The following JMJD7 variants were observed in gnomAD, a reference collection of about 807,000 sequenced individuals.
JMJD7 encodes the protein bifunctional peptidase and (3S)-lysyl hydroxylase JMJD7.
A neutral mutation model predicts 41.1 loss-of-function variants in JMJD7; 41 were observed. The observed-to-expected ratio is 1.00, with a 90% CI of 0.78 to 1.30. The LOEUF (loss-of-function observed/expected upper bound fraction) is 1.30. Ranked by LOEUF, JMJD7 falls within the 50% of genes most tolerant of loss-of-function variation. JMJD7 has a pLI of 0.00. For synonymous variants in JMJD7, 202 were observed against 177.2 expected, an observed-to-expected ratio of 1.14 and a Z score of -1.11; for missense variants, 480 against 420.7, an observed-to-expected ratio of 1.14 and a Z score of -1.23.
chr15:41,830,646 G>A (rs897152186), intron 1 of JMJD7, among the ~76,000 whole-genome samples: 1 of 152,210 alleles, frequency 6.6e-6, no homozygotes, highest in Non-Finnish European at 1.5e-5. Context: ...TGCAGCTGTG[G>A]ACCCAGGCAT....
Position 41,834,757 on chromosome 15 carries a change from G to A in JMJD7, c.82G>A (p.Ala28Thr), listed in dbSNP as rs757781347. ...TCTCTCAGAGCTCTGCGTGCCTCTT[G>A]CTGTGCCCTACCTGGACAAACCCCC... ...AAARELCVPL[A>T]VPYLDKPPTP... The change falls in exon 2 of 8, where the codon GCT (alanine) becomes ACT (threonine). Residue 28 changes from alanine (A) to threonine (T), a missense_variant. Transcript: ENST00000397299. 2 of 1,614,108 alleles carry A rather than the reference G, an allele frequency of 1.2e-6. No homozygotes were observed. Among genetic ancestry groups the A allele is most frequent in the Non-Finnish European group, 8.5e-7 (1 of 1,180,026 alleles).
chr15:41,834,839 G>T lies in JMJD7; in HGVS notation c.164G>T (p.Arg55Leu). The change falls in exon 2 of 8, where the codon CGC (arginine) becomes CTC (leucine). Residue 55 changes from arginine (R) to leucine (L), a missense_variant. By Grantham distance (102) the Arg-to-Leu change is moderately radical (BLOSUM62 -2). Coordinates refer to ENST00000397299, the MANE Select transcript of JMJD7 (RefSeq NM_001114632.2). The part of the protein sequence containing the change: ...WVCPNRPCII[R>L]NALQHWPALQ... The stretch of plus-strand genomic sequence containing the variant: ...TGCCCCAACAGGCCGTGCATTATCC[G>T]CAACGCTCTGCAGCACTGGCCGGCC... 10 of 1,614,168 alleles carry T rather than the reference G, an allele frequency of 6.2e-6. No homozygotes were observed. The highest frequency in any genetic ancestry group is 1.1e-5 in the South Asian group (1 of 91,086).
At position 41,835,300 on chromosome 15, in the gene JMJD7, G is replaced by T; in HGVS notation, c.472+77G>T. On this transcript the variant is annotated intron_variant, in intron 3 of 7. Coordinates refer to ENST00000397299, the MANE Select transcript of JMJD7 (RefSeq NM_001114632.2). Reference sequence around the variant, plus strand: ...AGGGGGGTCAGCCTGTTTGCCCTTAGGTGATGACCTGGCCTATGGGCTTGG... The same window carrying T: ...AGGGGGGTCAGCCTGTTTGCCCTTATGTGATGACCTGGCCTATGGGCTTGG... 4 of 1,521,896 alleles carry T rather than the reference G, an allele frequency of 2.6e-6. No homozygotes were observed. The South Asian group carries it at 4.9e-5, about 19-fold the overall frequency. The allele number at this position is 1,521,896 out of a possible 1,614,324, so 94.3% of individuals were successfully genotyped here. A position where few individuals can be genotyped will look rare whatever the true frequency, so the allele number is the denominator to read the frequency against.
chr15:41,830,737 C>A (rs959439526), intron 1 of JMJD7, among the ~76,000 whole-genome samples: 1 of 152,230 alleles, frequency 6.6e-6, no homozygotes, highest in Non-Finnish European at 1.5e-5. Context: ...TCTGGCTTCT[C>A]CCCACTGTCA....
chr15:41,828,991 A>G (rs1397171562), intron 1 of JMJD7: 1 of 152,254 alleles, frequency 6.6e-6, no homozygotes, highest in Non-Finnish European at 1.5e-5. Context: ...TAATGCTGCA[A>G]CGAATACTTT....
chr15:41,836,670 C>A, intron 6 of JMJD7, 111 bp from the exon 7 acceptor site: 2 of 1,465,442 alleles, frequency 1.4e-6, no homozygotes, highest in African/African-American at 1.4e-5. Context: ...AAGTCTGAGG[C>A]CTTTCACTGC....
Position 41,837,478 on chromosome 15 carries a change from A to C in JMJD7, c.*322A>C. ...TTGGTGTCCTGTCAGTAAAGAGATA[A>C]TAATGGCTGTACCTCGCGGGGCTGT... On this transcript the variant is annotated 3_prime_UTR_variant, in exon 8 of 8. Transcript: ENST00000397299. 4.9e-6 allele frequency: 2 copies of C among 405,616 alleles called. No homozygotes were observed. Among genetic ancestry groups the C allele is most frequent in the Non-Finnish European group, 8.9e-6 (2 of 225,156 alleles). The allele number at this position is 405,616 out of a possible 1,614,324, so 25.1% of individuals were successfully genotyped here.
chr15:41,828,480 C>T (rs1338422577), intron 1 of JMJD7: 2 of 324,326 alleles, frequency 6.2e-6, no homozygotes, highest in African/African-American at 4.3e-5. Context: ...GTTGAAAGCT[C>T]ATCGAAGGCA....
intron 3 of JMJD7, 23 bp downstream of exon 3, chr15:41,835,246 T>C: frequency 1.3e-6 from 2 of 1,587,576 alleles, no homozygotes; most frequent in Non-Finnish European, 1.7e-6. Context: ...GGGGTGGTCG[T>C]GGCCCTGGAC....
At chr15:41,831,418 G>T (rs1413347250) in intron 1 of JMJD7, among the ~76,000 whole-genome samples, 2 of 152,240 alleles carry the variant, frequency 1.3e-5, no homozygotes, top group African/African-American at 4.8e-5. Context: ...GCATGGTGTG[G>T]CTGTGAGAGA....
intron 1 of JMJD7, chr15:41,828,533 G>T: frequency 1.2e-5 from 3 of 241,842 alleles, no homozygotes; most frequent in Non-Finnish European, 2.4e-5. Flanking sequence ...CCCCACCTCC[G>T]ACCTCAACTC....
chr15:41,833,900 G>A (rs937352723), intron 1 of JMJD7, among the ~76,000 whole-genome samples: 2 of 152,194 alleles, frequency 1.3e-5, no homozygotes, highest in Non-Finnish European at 2.9e-5. Context: ...GTGGATGCCA[G>A]TGGAGGAGAG....
At position 41,835,657 on chromosome 15, in the gene JMJD7, G is replaced by A. The variant is rs377314911; in HGVS notation, c.529+13G>A. 92 of 1,611,596 alleles carry A rather than the reference G, an allele frequency of 5.7e-5. 1 individual carries two copies. The African/African-American group carries it at 1.1e-3, about 20-fold the overall frequency. On this transcript the variant is annotated intron_variant, in intron 4 of 7. Coordinates refer to ENST00000397299, the MANE Select transcript of JMJD7 (RefSeq NM_001114632.2). ...GCAGTGACTTCTTGTAGGTGTAAGG[G>A]GAATACAAAGGTGGGGAAGGAGCAG...
chr15:41,832,874 G>A (rs933924732), intron 1 of JMJD7, among the ~76,000 whole-genome samples: 2 of 152,178 alleles, frequency 1.3e-5, no homozygotes, highest in African/African-American at 2.4e-5. Flanking sequence ...CATGAATGTA[G>A]CAAAGCGAAG....
rs954900393 is a variant in JMJD7 at position 41,836,794 on chromosome 15, C to T, written c.716C>T (p.Pro239Leu). 6.2e-7 allele frequency: 1 copy of T among 1,609,738 alleles called. No homozygotes were observed. Among genetic ancestry groups the T allele is most frequent in the Non-Finnish European group, 8.5e-7 (1 of 1,178,424 alleles). ...ATGTGTTCCCAGGTGCCCTGGATCC[C>T]ACTGGACCCCTTGGCGCCAGACCTA... The part of the protein sequence containing the change: ...EEAMEKVPWI[P>L]LDPLAPDLAR... Residue 239 changes from proline (P) to leucine (L), a missense_variant, in exon 7 of 8, where the codon CCA becomes CTA. Transcript: ENST00000397299.
chr15:41,835,984 A>G, intron 4 of JMJD7, 164 bp from the exon 5 acceptor site: 1 of 690,592 alleles, frequency 1.4e-6, no homozygotes, highest in Non-Finnish European at 2.3e-6. Flanking sequence ...GCAGAGTTCC[A>G]GAATGCCCAT....
chr15:41,836,145 C>T lies in JMJD7; in HGVS notation c.530-3C>T. 1 of 1,588,882 alleles carries T rather than the reference C, an allele frequency of 6.3e-7. No homozygotes were observed. The highest frequency in any genetic ancestry group is 1.1e-5 in the South Asian group (1 of 87,876). The stretch of plus-strand genomic sequence containing the variant: ...TGCCCCCGGGCCTTCTTTCTGTTGG[C>T]AGTGCACAAGGACCACTATGAGAAC... On this transcript the variant is annotated splice_polypyrimidine_tract_variant and splice_region_variant and intron_variant, in intron 4 of 7. Coordinates refer to ENST00000397299, the MANE Select transcript of JMJD7 (RefSeq NM_001114632.2).
intron 1 of JMJD7, among the ~76,000 whole-genome samples, chr15:41,830,090 T>C (rs535833771): frequency 6.6e-6 from 1 of 152,122 alleles, no homozygotes; most frequent in African/African-American, 2.4e-5. Flanking sequence ...CCCTGTTCCC[T>C]GCATCCCCGA....
At chr15:41,834,937 A>T in intron 2 of JMJD7, 33 bp from the exon 3 acceptor site, 2 of 1,613,484 alleles carry the variant, frequency 1.2e-6, no homozygotes, top group South Asian at 1.1e-5. Flanking sequence ...GATTACTGGC[A>T]TCTGGGCATG....
Sources: allele counts gnomAD v4.1 joint callset (sites outside exome capture counted in the v4.1 genomes callset), GRCh38; gene constraint gnomAD v4.1.1; transcripts MANE v1.5; gene names NCBI Gene and HGNC (gene_info 2026-07-23, HGNC 2026-07-21).